YWHAH: variants seen among roughly 807,000 people sequenced by gnomAD.
YWHAH encodes tyrosine 3-monooxygenase/tryptophan 5-monooxygenase activation protein eta, also known as 14-3-3 protein eta.
Under a neutral mutation model 22.9 loss-of-function variants are expected in YWHAH, and 6 were observed. The ratio of observed to expected loss-of-function variants is 0.26; its 90% CI spans 0.14 to 0.52. YWHAH has a LOEUF of 0.52. Among genes scored for constraint, YWHAH ranks in the 20% least tolerant of loss-of-function variants. The pLI is 0.97. For missense variants in YWHAH, 173 were observed against 308.6 expected (o/e 0.56, Z 3.29); for synonymous variants, 135 against 124.5 (o/e 1.08, Z -0.56).
rs939592304 is a variant in YWHAH at position 31,944,605 on chromosome 22, C to T, written c.-129C>T. 1 of 608,204 alleles carries T rather than the reference C, an allele frequency of 1.6e-6. No individual in the cohort carries two copies. Among genetic ancestry groups the T allele is most frequent in the Non-Finnish European group, 2.2e-6 (1 of 453,970 alleles). The allele number at this position is 608,204 out of a possible 1,614,324, so 37.7% of individuals were successfully genotyped here. On this transcript the variant is annotated 5_prime_UTR_variant, in exon 1 of 2. Transcript: ENST00000248975. ...GCCTGCAGCCTGCAGCCTGCAGCCTCCGGCCGGCCGGCGAGCCAGTGCGCG... is the reference window on the plus strand; with the variant it reads ...GCCTGCAGCCTGCAGCCTGCAGCCTTCGGCCGGCCGGCGAGCCAGTGCGCG...
chr22:31,944,955 C>T (rs894662043), intron 1 of YWHAH, 135 bp downstream of exon 1: 1 of 1,107,946 alleles, frequency 9.0e-7, no homozygotes, highest in Admixed American at 4.9e-5. Flanking sequence ...GCCCGCCCGC[C>T]CTTAGCCCGC....
chr22:31,946,888 C>T (rs537031442), intron 1 of YWHAH, among the ~76,000 whole-genome samples: 53 of 152,252 alleles, frequency 3.5e-4, no homozygotes, highest in Admixed American at 5.9e-4. Context: ...GGAAAAGCCA[C>T]CCAGCGTAGA....
intron 1 of YWHAH, among the ~76,000 whole-genome samples, chr22:31,953,519 G>T (rs1226469079): frequency 6.6e-6 from 1 of 152,206 alleles, no homozygotes; most frequent in Non-Finnish European, 1.5e-5. Flanking sequence ...GGCAAAAAAA[G>T]ACTAAGTTAT....
chr22:31,953,625 C>T (rs2858752), intron 1 of YWHAH, among the ~76,000 whole-genome samples: 36,540 of 152,052 alleles, frequency 0.24, 5,413 homozygotes, highest in Non-Finnish European at 0.32. Context: ...TATAGGTGTT[C>T]AGCTGGATTT....
chr22:31,949,101 G>T (rs1296108069), intron 1 of YWHAH, among the ~76,000 whole-genome samples: 1 of 145,648 alleles, frequency 6.9e-6, no homozygotes, highest in African/African-American at 2.6e-5. Flanking sequence ...ATGTGTGTGT[G>T]TGTTACATTT....
chr22:31,944,700 G>A lies in YWHAH; in HGVS notation c.-34G>A. ...GCGGGAGGGCTAGCGAGCCAGCGGTGTGAGGCGCGAGGCGAGGCCGAGCCG... is the reference window on the plus strand; with the variant it reads ...GCGGGAGGGCTAGCGAGCCAGCGGTATGAGGCGCGAGGCGAGGCCGAGCCG... On this transcript the variant is annotated 5_prime_UTR_variant, in exon 1 of 2. It adds an upstream start codon to the 5' untranslated region. Transcript: ENST00000248975. 1 of 1,347,660 alleles carries A rather than the reference G, an allele frequency of 7.4e-7. No individual in the cohort carries two copies. Among genetic ancestry groups the A allele is most frequent in the Non-Finnish European group, 9.6e-7 (1 of 1,039,738 alleles). The allele number at this position is 1,347,660 out of a possible 1,614,324, so 83.5% of individuals were successfully genotyped here.
intron 1 of YWHAH, 94 bp downstream of exon 1, chr22:31,944,914 GGGCGACCC>G (rs1421805305): frequency 1.0e-5 from 12 of 1,152,048 alleles, no homozygotes; most frequent in African/African-American, 4.9e-5. Flanking sequence ...TCCCGGCCAT[GGGCGACCC>G]GGCGACCCGG....
In YWHAH at chr22:31,944,546, GGCGAGCCAGCGAGAGGGC is replaced by G. The variant is rs1034583020; in HGVS notation, c.-181_-164del. ...CCGCGGCGCGAGCCACAGCGCGCGG[GGCGAGCCAGCGAGAGGGC>G]GCGAGCGGCGGCGCTGCCTGCAGCC... On this transcript the variant is annotated 5_prime_UTR_variant, in exon 1 of 2. Coordinates refer to ENST00000248975, the MANE Select transcript of YWHAH (RefSeq NM_003405.4). 4.5e-6 allele frequency: 1 copy of G among 224,706 alleles called. No individual in the cohort carries two copies. Among genetic ancestry groups the G allele is most frequent in the Non-Finnish European group, 7.9e-6 (1 of 127,140 alleles). The allele number at this position is 224,706 out of a possible 1,614,324, so 13.9% of individuals were successfully genotyped here. A position where few individuals can be genotyped will look rare whatever the true frequency, so the allele number is the denominator to read the frequency against.
Position 31,956,918 on chromosome 22 carries a change from T to C in YWHAH, c.*126T>C. The C allele has an allele frequency of 8.3e-7, 1 of 1,200,886 alleles. No individual in the cohort carries two copies. Among genetic ancestry groups the C allele is most frequent in the South Asian group, 1.6e-5 (1 of 62,340 alleles). 74.4% of individuals were successfully genotyped at this position (1,200,886 alleles called of 1,614,324 possible). On this transcript the variant is annotated 3_prime_UTR_variant, in exon 2 of 2. Coordinates refer to ENST00000248975, the MANE Select transcript of YWHAH (RefSeq NM_003405.4). This position sits in a 1 kb window ranked among gnomAD's most constrained non-coding sequence, Gnocchi z 5.1. The stretch of plus-strand genomic sequence containing the variant: ...TATTGGCAGCACAGCTACTCAGATC[T>C]GCACTCCTGTCTCTTGGGAAGCAGT...
At chr22:31,944,979 G>C in intron 1 of YWHAH, 159 bp downstream of exon 1, 3 of 1,119,466 alleles carry the variant, frequency 2.7e-6, no homozygotes, top group Non-Finnish European at 2.2e-6. Flanking sequence ...TCCCGCTCCC[G>C]CTGGGCGCCC....
rs142672132 is a variant in YWHAH at position 31,953,021 on chromosome 22, C to T, written c.88-3118C>T. Among the ~76,000 whole-genome samples, 23 of 152,240 alleles carry T rather than the reference C, an allele frequency of 1.5e-4. No homozygotes were observed. In the East Asian group the frequency reaches 3.3e-3, roughly 22 times the overall value. On this transcript the variant is annotated intron_variant, in intron 1 of 1. Coordinates refer to ENST00000248975, the MANE Select transcript of YWHAH (RefSeq NM_003405.4). ...GATGTCTTGGGTTTAATAATTATACCGCCTTTTGTGTTATGCAAGCATTCT... is the reference window on the plus strand; with the variant it reads ...GATGTCTTGGGTTTAATAATTATACTGCCTTTTGTGTTATGCAAGCATTCT...
rs747149205 is a variant in YWHAH, at chr22:31,951,804, G to A, written c.88-4335G>A. The stretch of plus-strand genomic sequence containing the variant: ...TAGCCAAAGGCTGTTTGGTCAGGAC[G>A]TGAGTAAAACTGGCTGACAGGGAAG... On this transcript the variant is annotated intron_variant, in intron 1 of 1. Transcript: ENST00000248975. 5.9e-5 allele frequency among the ~76,000 whole-genome samples: 9 copies of A among 152,192 alleles called. No individual in the cohort carries two copies. The East Asian group carries it at 7.7e-4, about 13-fold the overall frequency.
chr22:31,945,313 G>A (rs1233823650), intron 1 of YWHAH: 1 of 1,208,372 alleles, frequency 8.3e-7, no homozygotes, highest in East Asian at 5.8e-5. Flanking sequence ...TGCTCTGCTC[G>A]TTCGAATTGT....
intron 1 of YWHAH, chr22:31,950,221 G>A (rs958049112): frequency 1.6e-6 from 1 of 642,146 alleles, no homozygotes; most frequent in Middle Eastern, 2.6e-4. Context: ...CTTGGCACCA[G>A]TTGTTTCTCC....
intron 1 of YWHAH, among the ~76,000 whole-genome samples, chr22:31,947,115 A>G (rs2093836070): frequency 6.6e-6 from 1 of 152,186 alleles, no homozygotes. Context: ...CTATGTTATT[A>G]ATCTCATCAG....
chr22:31,947,250 G>A (rs2093836274), intron 1 of YWHAH, among the ~76,000 whole-genome samples: 5 of 152,198 alleles, frequency 3.3e-5, no homozygotes, highest in Admixed American at 3.3e-4. Flanking sequence ...CAGGACACAT[G>A]TGTTAAGGAT....
chr22:31,948,824 A>G (rs1278503419), intron 1 of YWHAH, among the ~76,000 whole-genome samples: 1 of 152,244 alleles, frequency 6.6e-6, no homozygotes, highest in Non-Finnish European at 1.5e-5. Context: ...TTTGAATTTA[A>G]AAGGTCCTTT....
chr22:31,951,479 T>A (rs1259704076), intron 1 of YWHAH, among the ~76,000 whole-genome samples: 1 of 152,112 alleles, frequency 6.6e-6, no homozygotes, highest in East Asian at 1.9e-4. Context: ...GGGGGTGGCA[T>A]TTTTGTTTGC....
chr22:31,948,792 CT>C (rs1223683314), intron 1 of YWHAH, among the ~76,000 whole-genome samples: 5 of 152,164 alleles, frequency 3.3e-5, no homozygotes, highest in Admixed American at 6.5e-5. Flanking sequence ...AGGAAGAAGG[CT>C]CTGGATTATT....
Sources: allele counts gnomAD v4.1 joint callset (sites outside exome capture counted in the v4.1 genomes callset), GRCh38; gene constraint gnomAD v4.1.1; non-coding constraint Gnocchi (gnomAD v3.1); transcripts MANE v1.5; gene names NCBI Gene and HGNC (gene_info 2026-07-23, HGNC 2026-07-21).